Variants in GNB1 observed in about 807,000 individuals in gnomAD.
GNB1 encodes G protein subunit beta 1.
GNB1 carries 2 observed loss-of-function variants against 42.9 expected under a neutral mutation model. That is an observed-to-expected ratio of 0.05 (90% CI 0.02 to 0.15). The LOEUF is 0.15. GNB1 is among the 10% of genes least tolerant of loss of function. The probability of loss-of-function intolerance (pLI) is 1.00; values close to 1 mark genes in which losing one functional copy is unlikely to be tolerated. For missense variants in GNB1, 193 were observed against 462.2 expected, an observed-to-expected ratio of 0.42 and a Z score of 5.34; for synonymous variants, 183 against 174.7, an observed-to-expected ratio of 1.05 and a Z score of -0.38.
intron 7 of GNB1, among the ~76,000 whole-genome samples, chr1:1,802,529 G>C (rs1646639099): frequency 6.6e-6 from 1 of 152,152 alleles, no homozygotes; most frequent in Non-Finnish European, 1.5e-5. Flanking sequence ...AGCACTTTGG[G>C]AGGCCGAGGC....
chr1:1,877,316 A>AATATATATAT (rs1553206589), intron 1 of GNB1, among the ~76,000 whole-genome samples: 1 of 121,706 alleles, frequency 8.2e-6, no homozygotes, highest in African/African-American at 3.5e-5. Flanking sequence ...AAAAAAAAAA[A>AATATATATAT]ATATATATAT....
At chr1:1,792,362 A>G (rs1351396285) in intron 8 of GNB1, among the ~76,000 whole-genome samples, 4 of 152,046 alleles carry the variant, frequency 2.6e-5, no homozygotes, top group Middle Eastern at 6.8e-3. Flanking sequence ...TATAGAGGGG[A>G]AAAAAAAGAA....
At position 1,787,444 on chromosome 1, in the gene GNB1, G is replaced by A. The variant is rs1160628973; in HGVS notation, c.917-7C>T. 5 of 1,551,102 alleles carry A rather than the reference G, an allele frequency of 3.2e-6. No homozygotes were observed. The highest frequency in any genetic ancestry group is 4.5e-6 in the Non-Finnish European group (5 of 1,123,048). On this transcript the variant is annotated splice_region_variant and splice_polypyrimidine_tract_variant and intron_variant, in intron 10 of 11. Transcript: ENST00000378609. This position sits in a 1 kb window ranked among gnomAD's most constrained non-coding sequence, Gnocchi z 4.4. ...TCATGCCCAGCCAAGACACCTGGGAGCAAACAACAGCAGAATCACACCAAA... is the reference window on the plus strand; with the variant it reads ...TCATGCCCAGCCAAGACACCTGGGAACAAACAACAGCAGAATCACACCAAA...
chr1:1,815,406 GCA>G (rs1646840387), intron 5 of GNB1, among the ~76,000 whole-genome samples: 1 of 152,176 alleles, frequency 6.6e-6, no homozygotes, highest in Non-Finnish European at 1.5e-5. Flanking sequence ...TGAGAAACAG[GCA>G]CAGAGAGGTA....
chr1:1,795,518 C>T (rs1646534446), intron 7 of GNB1, among the ~76,000 whole-genome samples: 1 of 152,144 alleles, frequency 6.6e-6, no homozygotes, highest in Admixed American at 6.6e-5. Flanking sequence ...GTAATCCCAG[C>T]ACTTGGGGAG....
intron 1 of GNB1, among the ~76,000 whole-genome samples, chr1:1,876,007 G>A (rs1238548600): frequency 2.6e-5 from 4 of 152,056 alleles, no homozygotes; most frequent in African/African-American, 2.4e-5. Flanking sequence ...AAAAGCCCAC[G>A]TAAAACAGAG....
chr1:1,860,007 G>T (rs1352707649), intron 1 of GNB1, among the ~76,000 whole-genome samples: 1 of 152,076 alleles, frequency 6.6e-6, no homozygotes, highest in Non-Finnish European at 1.5e-5. Flanking sequence ...GTATACATAT[G>T]TAACAAACCT....
chr1:1,788,829 C>CA, intron 10 of GNB1: 2 of 515,914 alleles, frequency 3.9e-6, no homozygotes. Flanking sequence ...TGACTCTCCC[C>CA]AGAGCCCTCC....
intron 1 of GNB1, among the ~76,000 whole-genome samples, chr1:1,881,376 TAA>T (rs1346204671): frequency 2.6e-5 from 4 of 151,966 alleles, no homozygotes; most frequent in Non-Finnish European, 5.9e-5. Flanking sequence ...TCAATCTCCT[TAA>T]AACTCTTTCA....
At chr1:1,840,388 C>T (rs376287192) in intron 1 of GNB1, among the ~76,000 whole-genome samples, 32 of 152,194 alleles carry the variant, frequency 2.1e-4, no homozygotes, top group African/African-American at 7.5e-4. Flanking sequence ...ATTCGCCGAG[C>T]GTAGTGGCAG....
intron 2 of GNB1, among the ~76,000 whole-genome samples, chr1:1,833,996 CAGGTCGG>C (rs1272919358): frequency 6.6e-6 from 1 of 152,076 alleles, no homozygotes; most frequent in Non-Finnish European, 1.5e-5. Context: ...GACGACCAGG[CAGGTCGG>C]TTAGTCTGTC....
intron 3 of GNB1, among the ~76,000 whole-genome samples, chr1:1,822,201 G>A (rs1270358480): frequency 6.6e-6 from 1 of 152,102 alleles, no homozygotes; most frequent in Non-Finnish European, 1.5e-5. Flanking sequence ...TACAAAGGCT[G>A]GTCTCAAGCT....
intron 7 of GNB1, among the ~76,000 whole-genome samples, chr1:1,795,075 T>C (rs780076189): frequency 2.0e-5 from 3 of 152,170 alleles, no homozygotes; most frequent in African/African-American, 4.8e-5. Flanking sequence ...TACGAAAGTA[T>C]GCGTGGTCAA....
At chr1:1,856,305 T>C (rs945964804) in intron 1 of GNB1, among the ~76,000 whole-genome samples, 4 of 152,046 alleles carry the variant, frequency 2.6e-5, no homozygotes, top group Non-Finnish European at 5.9e-5. Flanking sequence ...TTTTTTTAAA[T>C]TAGAGATGGG....
At chr1:1,855,991 G>A (rs973547171) in intron 1 of GNB1, among the ~76,000 whole-genome samples, 5 of 152,218 alleles carry the variant, frequency 3.3e-5, no homozygotes, top group Admixed American at 1.3e-4. Context: ...ATGGCGTAAA[G>A]CAGCCTCCCA....
intron 3 of GNB1, 81 bp downstream of exon 3, chr1:1,825,316 G>C: frequency 5.2e-6 from 5 of 965,336 alleles, no homozygotes; most frequent in Middle Eastern, 2.1e-4. Flanking sequence ...AAGTCATCCT[G>C]TAAACCATTT....
At chr1:1,881,817 T>C (rs552999483) in intron 1 of GNB1, among the ~76,000 whole-genome samples, 1 of 152,248 alleles carries the variant, frequency 6.6e-6, no homozygotes, top group Non-Finnish European at 1.5e-5. Context: ...GCTTGATAAA[T>C]AATTACTGAG....
At chr1:1,827,291 A>G (rs1647012563) in intron 2 of GNB1, among the ~76,000 whole-genome samples, 3 of 152,226 alleles carry the variant, frequency 2.0e-5, no homozygotes, top group African/African-American at 7.2e-5. Flanking sequence ...GCCCCGTAAC[A>G]CGAGCACGCA....
chr1:1,862,113 T>C (rs778767660), intron 1 of GNB1, among the ~76,000 whole-genome samples: 17 of 151,924 alleles, frequency 1.1e-4, no homozygotes, highest in Non-Finnish European at 2.2e-4. Context: ...TCCCAGCTAC[T>C]TGGGAGGCTA....
Sources: gnomAD v4.1 joint callset for allele counts (sites outside exome capture counted in the v4.1 genomes callset) on GRCh38, gnomAD v4.1.1 for gene constraint, Gnocchi (gnomAD v3.1) non-coding constraint, MANE v1.5 for transcripts, NCBI Gene and HGNC (gene_info 2026-07-23, HGNC 2026-07-21) for gene names.